The following CLVS1 variants were observed in gnomAD, a reference collection of about 807,000 sequenced individuals.
The protein encoded by CLVS1 is clavesin 1.
CLVS1 carries 10 observed loss-of-function variants against 33.1 expected under a neutral mutation model. That is an observed-to-expected ratio of 0.30 (90% confidence interval 0.19 to 0.51). CLVS1 has a LOEUF of 0.51. CLVS1 is among the 20% of genes least tolerant of loss of function. The pLI, the probability that CLVS1 is intolerant of heterozygous loss-of-function variation, is 0.97. For synonymous variants in CLVS1, 163 were observed against 166.1 expected, an observed-to-expected ratio of 0.98 and a Z score of 0.14; for missense variants, 343 against 433.4, an observed-to-expected ratio of 0.79 and a Z score of 1.85.
At chr8:61,253,395 C>A (rs572286374) in intron 2 of CLVS1, among the ~76,000 whole-genome samples, 1 of 152,054 alleles carries the variant, frequency 6.6e-6, no homozygotes, top group Non-Finnish European at 1.5e-5. Context: ...GACAATTATA[C>A]GTCTTGGAGT....
At chr8:61,043,962 T>C in the CLVS1 span, among the ~76,000 whole-genome samples, 26 of 152,334 alleles carry the variant, frequency 1.7e-4, no homozygotes, top group South Asian at 5.2e-3. Flanking sequence ...TTGCAGCCAC[T>C]TCTACTCAGA....
intron 2 of CLVS1, among the ~76,000 whole-genome samples, chr8:61,174,546 G>A (rs1022031131): frequency 6.6e-6 from 1 of 152,152 alleles, no homozygotes; most frequent in African/African-American, 2.4e-5. Flanking sequence ...AATACACTGT[G>A]TGACCAGCTA....
At chr8:61,421,339 C>T (rs1161377719) in intron 3 of CLVS1, among the ~76,000 whole-genome samples, 1 of 152,130 alleles carries the variant, frequency 6.6e-6, no homozygotes, top group Non-Finnish European at 1.5e-5. Flanking sequence ...AAGCAATGCC[C>T]TGCAGAATAA....
intron 1 of CLVS1, among the ~76,000 whole-genome samples, chr8:61,123,551 T>G (rs1585627497): frequency 6.6e-6 from 1 of 152,248 alleles, no homozygotes; most frequent in Non-Finnish European, 1.5e-5. Flanking sequence ...TTTAAAATCC[T>G]AATTTTTTCC....
intron 1 of CLVS1, among the ~76,000 whole-genome samples, chr8:61,296,848 T>C (rs1293324082): frequency 6.6e-6 from 1 of 152,182 alleles, no homozygotes; most frequent in Non-Finnish European, 1.5e-5. Flanking sequence ...CTGACTCTTT[T>C]GGCCACACCC....
At chr8:61,456,536 G>T (rs750853475) in intron 4 of CLVS1, among the ~76,000 whole-genome samples, 37 of 152,148 alleles carry the variant, frequency 2.4e-4, no homozygotes, top group Non-Finnish European at 3.8e-4. Context: ...ATCTTTAAAT[G>T]ATGTCATTAC....
intron 3 of CLVS1, among the ~76,000 whole-genome samples, chr8:61,426,944 A>G (rs1479653788): frequency 1.3e-5 from 2 of 152,212 alleles, no homozygotes; most frequent in Admixed American, 1.3e-4. Context: ...CTGACTAGCT[A>G]AAAAGACAGC....
the CLVS1 span, among the ~76,000 whole-genome samples, chr8:60,975,984 G>T: frequency 6.6e-6 from 1 of 152,296 alleles, no homozygotes; most frequent in African/African-American, 2.4e-5. Flanking sequence ...GGGCTTCTCT[G>T]CCCTGAGACC....
chr8:61,216,925 G>C (rs1040018324), intron 2 of CLVS1, among the ~76,000 whole-genome samples: 6 of 152,070 alleles, frequency 3.9e-5, no homozygotes, highest in Admixed American at 3.9e-4. Context: ...TTTTCCTTCT[G>C]AAGGGTGAAA....
intron 2 of CLVS1, among the ~76,000 whole-genome samples, chr8:61,188,808 G>T (rs1326407160): frequency 6.6e-6 from 1 of 152,018 alleles, no homozygotes; most frequent in African/African-American, 2.4e-5. Flanking sequence ...ATATTTAACA[G>T]AAATGCTCTG....
rs188622964 is a variant in CLVS1, at chr8:61,335,465, T to C, written c.455+35183T>C. ...GTCTGTCATAATTTTGCAAAGGCAG[T>C]TTCAAAACCAGAAAATATCACCGAA... On this transcript the variant is annotated intron_variant, in intron 2 of 5. Coordinates refer to ENST00000325897, the MANE Select transcript of CLVS1 (RefSeq NM_173519.3). Among the ~76,000 whole-genome samples, 593 of 152,308 alleles carry C rather than the reference T, an allele frequency of 3.9e-3. 3 individuals are homozygous for C. The highest frequency in any genetic ancestry group is 0.014 in the African/African-American group (575 of 41,564).
chr8:61,268,520 G>C (rs1809360751), intron 2 of CLVS1, among the ~76,000 whole-genome samples: 1 of 149,510 alleles, frequency 6.7e-6, no homozygotes, highest in African/African-American at 2.5e-5. Flanking sequence ...ATAGTCCTTT[G>C]GGTATATACC....
chr8:61,007,987 C>T, the CLVS1 span, among the ~76,000 whole-genome samples: 2 of 152,060 alleles, frequency 1.3e-5, no homozygotes, highest in Non-Finnish European at 2.9e-5. Context: ...TGGGATGGGG[C>T]AGGATTCCAA....
Position 61,493,239 on chromosome 8 carries a change from T to C in CLVS1, c.978-6216T>C, listed in dbSNP as rs146677613. 2.7e-4 allele frequency among the ~76,000 whole-genome samples: 41 copies of C among 152,346 alleles called. No homozygotes were observed. The East Asian group carries it at 7.9e-3, about 29-fold the overall frequency. ...TTCATTTATTAATCACATTACATAA[T>C]GTGTCAGTACACACAATTGTCTCTT... On this transcript the variant is annotated intron_variant, in intron 5 of 5. Transcript: ENST00000325897.
intron 1 of CLVS1, among the ~76,000 whole-genome samples, chr8:61,081,925 A>T (rs1003391209): frequency 6.6e-6 from 1 of 152,350 alleles, no homozygotes; most frequent in South Asian, 2.1e-4. Flanking sequence ...AAAAAATTAC[A>T]AGTCATACTA....
intron 1 of CLVS1, among the ~76,000 whole-genome samples, chr8:61,063,132 C>CGTAA (rs1034773507): frequency 6.6e-6 from 1 of 152,044 alleles, no homozygotes; most frequent in African/African-American, 2.4e-5. Context: ...AACCATGCTA[C>CGTAA]GTAAGTAAGA....
intron 2 of CLVS1, among the ~76,000 whole-genome samples, chr8:61,332,525 T>C (rs566436160): frequency 1.3e-5 from 2 of 152,358 alleles, no homozygotes; most frequent in South Asian, 2.1e-4. Context: ...AATTTGTTGA[T>C]ACTTCTAATC....
At chr8:61,255,511 C>G (rs73684473) in intron 2 of CLVS1, among the ~76,000 whole-genome samples, 5 of 151,996 alleles carry the variant, frequency 3.3e-5, no homozygotes, top group Non-Finnish European at 7.4e-5. Flanking sequence ...GGTGAAGGAG[C>G]GAAAATAAAC....
chr8:61,460,675 A>G (rs1419487253), intron 5 of CLVS1, among the ~76,000 whole-genome samples: 2 of 152,190 alleles, frequency 1.3e-5, no homozygotes, highest in Non-Finnish European at 2.9e-5. Context: ...TAACTTTCTC[A>G]AAACACTCTC....
Sources: allele counts gnomAD v4.1 joint callset (sites outside exome capture counted in the v4.1 genomes callset), GRCh38; gene constraint gnomAD v4.1.1; transcripts MANE v1.5; gene names NCBI Gene and HGNC (gene_info 2026-07-23, HGNC 2026-07-21).